The following NUDT9 variants were observed in gnomAD, a reference collection of about 807,000 sequenced individuals.
NUDT9 encodes ADP-ribose pyrophosphatase.
In NUDT9, 31 loss-of-function variants were observed where a neutral mutation model predicts 41.0. That is an observed-to-expected ratio of 0.76 (90% CI 0.57 to 1.02). The LOEUF (loss-of-function observed/expected upper bound fraction) is 1.02. Among genes scored for constraint, NUDT9 ranks in the 50% least tolerant of loss-of-function variants. The probability of loss-of-function intolerance (pLI) is 0.00; values close to 1 mark genes in which losing one functional copy is unlikely to be tolerated. For missense variants in NUDT9, 380 were observed against 431.4 expected, an observed-to-expected ratio of 0.88 and a Z score of 1.06; for synonymous variants, 146 against 147.6, an observed-to-expected ratio of 0.99 and a Z score of 0.08.
rs376734452 is a variant in NUDT9 at position 87,441,880 on chromosome 4, G to A, written c.495G>A (p.Trp165Ter). Residue 165 changes from tryptophan to a stop codon, truncating the protein, a stop_gained, in exon 4 of 8, where the codon TGG becomes TGA. Coordinates refer to ENST00000302174, the MANE Select transcript of NUDT9 (RefSeq NM_024047.5). LOFTEE classifies it high-confidence loss of function. Reference protein sequence around the residue: ...GLVGRGLLGRWGPNHAADPII... With the variant: ...GLVGRGLLGR Reference sequence around the variant, plus strand: ...TGGGCCGGGGGCTTTTGGGGCGATGGGGCCCAAATCACGCTGCAGATCCCA... The same window carrying A: ...TGGGCCGGGGGCTTTTGGGGCGATGAGGCCCAAATCACGCTGCAGATCCCA... 3 of 1,613,058 alleles carry A rather than the reference G, an allele frequency of 1.9e-6. No individual in the cohort carries two copies. In the African/African-American group the frequency reaches 4.0e-5, roughly 22 times the overall value.
At chr4:87,434,908 TGCACCCG>T in intron 1 of NUDT9, 66 bp from the exon 2 acceptor site, 2 of 1,375,858 alleles carry the variant, frequency 1.5e-6, no homozygotes, top group East Asian at 4.7e-5. Flanking sequence ...CGTAAGCCAC[TGCACCCG>T]GCCTAGGTTC....
In NUDT9 at chr4:87,425,169, A is replaced by G. The variant is rs1448535210; in HGVS notation, c.107+2157A>G. Among the ~76,000 whole-genome samples the G allele has an allele frequency of 2.0e-5, 3 of 152,056 alleles. No individual in the cohort carries two copies. The East Asian group carries it at 5.8e-4, about 29-fold the overall frequency. ...CCAGGAGTTTGAGACCAGTCTAGGC[A>G]ACTTAGCAAGACCCTTGTCTCTAAA... On this transcript the variant is annotated intron_variant, in intron 1 of 7. Coordinates refer to ENST00000302174, the MANE Select transcript of NUDT9 (RefSeq NM_024047.5).
intron 1 of NUDT9, among the ~76,000 whole-genome samples, chr4:87,429,392 A>G (rs1721578815): frequency 6.6e-6 from 1 of 152,102 alleles, no homozygotes; most frequent in Non-Finnish European, 1.5e-5. Context: ...AGCTTCAAGC[A>G]GTCCCCCTGC....
chr4:87,428,743 T>A (rs1488008182), intron 1 of NUDT9, among the ~76,000 whole-genome samples: 1 of 152,180 alleles, frequency 6.6e-6, no homozygotes, highest in Non-Finnish European at 1.5e-5. Context: ...GTCATTTTTT[T>A]AGAGCAGTTT....
chr4:87,442,308 A>C (rs751047191), intron 4 of NUDT9, among the ~76,000 whole-genome samples: 59 of 152,304 alleles, frequency 3.9e-4, no homozygotes, highest in Middle Eastern at 3.4e-3. Flanking sequence ...AACATAGGGA[A>C]AGTAGGTAAA....
chr4:87,423,488 T>C (rs1285020274), intron 1 of NUDT9, among the ~76,000 whole-genome samples: 1 of 151,950 alleles, frequency 6.6e-6, no homozygotes, highest in African/African-American at 2.4e-5. Context: ...TGTGGTTAAA[T>C]TTAGGGATTT....
intron 1 of NUDT9, 55 bp from the exon 2 acceptor site, chr4:87,434,922 GTTCT>G: frequency 6.7e-7 from 1 of 1,484,756 alleles, no homozygotes; most frequent in South Asian, 1.3e-5. Flanking sequence ...CCCGGCCTAG[GTTCT>G]TTAATTAATA....
intron 1 of NUDT9, among the ~76,000 whole-genome samples, chr4:87,423,413 C>G (rs570870950): frequency 3.9e-5 from 6 of 151,998 alleles, no homozygotes; most frequent in African/African-American, 7.3e-5. Flanking sequence ...CCCCCTGTCC[C>G]CTTTCCAGGG....
chr4:87,424,703 C>A (rs1330025394), intron 1 of NUDT9, among the ~76,000 whole-genome samples: 1 of 152,132 alleles, frequency 6.6e-6, no homozygotes, highest in Non-Finnish European at 1.5e-5. Flanking sequence ...TTTTATTTCC[C>A]TTTATCTATC....
chr4:87,450,378 C>CTATTT (rs2110187757), intron 5 of NUDT9, among the ~76,000 whole-genome samples: 2 of 102,334 alleles, frequency 2.0e-5, no homozygotes, highest in African/African-American at 7.2e-5. Context: ...TTTTCTTTTT[C>CTATTT]TTTTTTTTTT....
chr4:87,458,050 C>T lies in NUDT9; in HGVS notation c.*29C>T. ...ATGGTCTCCGTGTAAGCCAAAGGCC[C>T]ACAGAGGAGCATATACTGAAAAGAA... is the stretch of plus-strand genomic sequence containing the variant. On this transcript the variant is annotated 3_prime_UTR_variant, in exon 8 of 8. Coordinates refer to ENST00000302174, the MANE Select transcript of NUDT9 (RefSeq NM_024047.5). The T allele has an allele frequency of 6.7e-7, 1 of 1,491,988 alleles. No individual in the cohort carries two copies. The highest frequency in any genetic ancestry group is 1.4e-5 in the South Asian group (1 of 70,848). 92.4% of individuals were successfully genotyped at this position (1,491,988 alleles called of 1,614,324 possible).
chr4:87,457,207 A>G (rs1189671183), intron 7 of NUDT9, among the ~76,000 whole-genome samples: 1 of 151,606 alleles, frequency 6.6e-6, no homozygotes, highest in Non-Finnish European at 1.5e-5. Flanking sequence ...GATTGGGAGC[A>G]CTTATTTTTT....
At chr4:87,437,164 C>T (rs1347632092) in intron 2 of NUDT9, among the ~76,000 whole-genome samples, 7 of 147,448 alleles carry the variant, frequency 4.7e-5, no homozygotes, top group South Asian at 2.2e-4. Context: ...GCAGGAGAGT[C>T]GCTTGAATCT....
At chr4:87,450,185 T>C (rs1722644732) in intron 5 of NUDT9, among the ~76,000 whole-genome samples, 2 of 151,710 alleles carry the variant, frequency 1.3e-5, no homozygotes, top group African/African-American at 4.8e-5. Flanking sequence ...GTTTAAAATG[T>C]TTATGTGTGT....
intron 1 of NUDT9, among the ~76,000 whole-genome samples, chr4:87,433,553 G>A (rs1480668792): frequency 2.0e-5 from 3 of 152,174 alleles, no homozygotes; most frequent in Non-Finnish European, 2.9e-5. Flanking sequence ...TATTTGCCCC[G>A]TCAATCATTT....
intron 7 of NUDT9, among the ~76,000 whole-genome samples, chr4:87,455,964 AG>A (rs779249458): frequency 6.6e-6 from 1 of 152,056 alleles, no homozygotes; most frequent in Non-Finnish European, 1.5e-5. Flanking sequence ...GCCTGGCTGT[AG>A]TGCTTTTTTG....
chr4:87,451,655 A>G lies in NUDT9; in HGVS notation c.709A>G (p.Asn237Asp). 6.2e-7 allele frequency: 1 copy of G among 1,613,890 alleles called. No homozygotes were observed. The highest frequency in any genetic ancestry group is 8.5e-7 in the Non-Finnish European group (1 of 1,179,802). ...AAGAGAATTTGGTGAGGAAGCTCTC[A>G]ACTCCTTACAGAAAACCAGTGCTGA... Reference protein sequence around the residue: ...LKREFGEEALNSLQKTSAEKR... With the variant: ...LKREFGEEALDSLQKTSAEKR... Residue 237 changes from asparagine to aspartate, a missense_variant, in exon 6 of 8, where the codon AAC (asparagine) becomes GAC (aspartate). Transcript: ENST00000302174.
intron 1 of NUDT9, among the ~76,000 whole-genome samples, chr4:87,428,231 A>G (rs1721521523): frequency 6.6e-6 from 1 of 152,330 alleles, no homozygotes; most frequent in African/African-American, 2.4e-5. Context: ...GAGTCTTTAA[A>G]TGTGATGAAA....
At position 87,435,016 on chromosome 4, in the gene NUDT9, CCAA is replaced by C. The variant is rs984802275; in HGVS notation, c.145_147del (p.Asn49del). ...TCATCTTCTTGGTTTCATCTTAATA[CCAA>C]CGTCATGTCTGGTTCTAATGGTTCC... On this transcript the variant is annotated inframe_deletion, in exon 2 of 8. Transcript: ENST00000302174. 6.2e-7 allele frequency: 1 copy of C among 1,613,590 alleles called. No individual in the cohort carries two copies. The highest frequency in any genetic ancestry group is 1.3e-5 in the African/African-American group (1 of 74,932).
Sources: allele counts gnomAD v4.1 joint callset (sites outside exome capture counted in the v4.1 genomes callset), GRCh38; gene constraint gnomAD v4.1.1; transcripts MANE v1.5; gene names NCBI Gene and HGNC (gene_info 2026-07-23, HGNC 2026-07-21).